Variants in NCBP2 observed in about 807,000 individuals in gnomAD.
NCBP2 encodes the protein nuclear cap binding protein subunit 2.
Under a neutral mutation model 21.5 loss-of-function variants are expected in NCBP2, and 8 were observed. The observed-to-expected ratio is 0.37, with a 90% CI of 0.22 to 0.67. The LOEUF is 0.67. Ranked by LOEUF, NCBP2 falls within the 30% of genes least tolerant of loss-of-function variation. NCBP2 has a pLI of 0.56. For synonymous variants in NCBP2, 92 were observed against 75.8 expected (o/e 1.21, Z -1.11); for missense variants, 127 against 206.9 (o/e 0.61, Z 2.37).
chr3:196,941,832 T>C, intron 1 of NCBP2: 1 of 1,352,136 alleles, frequency 7.4e-7, no homozygotes, highest in Non-Finnish European at 1.0e-6. Flanking sequence ...CTCCGATCTT[T>C]ACATCCGAAC....
intron 1 of NCBP2, chr3:196,941,938 G>C: frequency 6.5e-7 from 1 of 1,536,270 alleles, no homozygotes; most frequent in Non-Finnish European, 8.7e-7. Context: ...CACGCACCGC[G>C]TACAGCTTCC....
intron 2 of NCBP2, 80 bp downstream of exon 2, chr3:196,939,171 C>T (rs774458683): frequency 1.9e-5 from 24 of 1,278,450 alleles, no homozygotes; most frequent in East Asian, 1.4e-4. Flanking sequence ...AACGTAGGGA[C>T]GAGTGCAGGG....
At chr3:196,938,960 G>T (rs1166848556) in intron 2 of NCBP2, 2 of 309,768 alleles carry the variant, frequency 6.5e-6, no homozygotes, top group East Asian at 6.6e-5. Context: ...GGCATTAGGG[G>T]TTTAGAACAG....
chr3:196,941,172 AACCTCC>A (rs963126796), intron 1 of NCBP2: 33 of 152,106 alleles, frequency 2.2e-4, no homozygotes, highest in African/African-American at 7.7e-4. Context: ...ATCTCACAGC[AACCTCC>A]ACCTCCCCGG....
At chr3:196,937,319 G>T in intron 3 of NCBP2, 191 bp downstream of exon 3, 1 of 846,924 alleles carries the variant, frequency 1.2e-6, no homozygotes, top group Middle Eastern at 3.4e-4. Flanking sequence ...TGTTAGAAAC[G>T]TACAGAACAT....
rs547679541 is a variant in NCBP2 at position 196,937,007 on chromosome 3, C to A, written c.*4G>T. The A allele has an allele frequency of 1.9e-6, 3 of 1,614,012 alleles. No homozygotes were observed. The Admixed American group carries it at 5.0e-5, about 27-fold the overall frequency. On this transcript the variant is annotated 3_prime_UTR_variant, in exon 4 of 4. Coordinates refer to ENST00000321256, the MANE Select transcript of NCBP2 (RefSeq NM_007362.5). Reference sequence around the variant, plus strand: ...GTGTTTGTCACTGACAGAGCTCTCACCACTCACTGGTTCTGTGCCAGTTTT... The same window carrying A: ...GTGTTTGTCACTGACAGAGCTCTCAACACTCACTGGTTCTGTGCCAGTTTT...
At position 196,939,313 on chromosome 3, in the gene NCBP2, T is replaced by G; in HGVS notation, c.198A>C (p.Ile66=). ...TATCCAGACCCATAATGATTTTCTT[T>G]ATGTCACCACTTTTGCTGAAGAGTT... ...IYELFSKSGD[I]KKIIMGLDKM... Residue 66 remains isoleucine, a synonymous_variant, in exon 2 of 4, where the codon ATA becomes ATC. Transcript: ENST00000321256. 1 of 1,613,976 alleles carries G rather than the reference T, an allele frequency of 6.2e-7. No individual in the cohort carries two copies. The highest frequency in any genetic ancestry group is 2.2e-5 in the East Asian group (1 of 44,890).
Position 196,935,514 on chromosome 3 carries a change from A to G in NCBP2, c.*1497T>C, listed in dbSNP as rs899126904. The G allele has an allele frequency of 2.0e-5, 3 of 152,228 alleles. No individual in the cohort carries two copies. The highest frequency in any genetic ancestry group is 7.2e-5 in the African/African-American group (3 of 41,474). 9.4% of individuals were successfully genotyped at this position (152,228 alleles called of 1,614,324 possible). ...TTGTTTTACTACAAAAGAATATAAA[A>G]CACATTAAATTACAGTGTGAAGGAA... On this transcript the variant is annotated 3_prime_UTR_variant, in exon 4 of 4. Transcript: ENST00000321256.
chr3:196,939,147 G>C, intron 2 of NCBP2, 104 bp downstream of exon 2: 1 of 937,472 alleles, frequency 1.1e-6, no homozygotes, highest in Non-Finnish European at 1.7e-6. Flanking sequence ...GAAAGTAGGA[G>C]GGAGATGAAG....
chr3:196,939,491 T>A, intron 1 of NCBP2, 59 bp from the exon 2 acceptor site: 1 of 1,234,270 alleles, frequency 8.1e-7, no homozygotes, highest in Non-Finnish European at 1.1e-6. Flanking sequence ...TAAATAGTAT[T>A]TCTAAGTACG....
chr3:196,939,036 T>C (rs1030557712), intron 2 of NCBP2: 13 of 448,152 alleles, frequency 2.9e-5, no homozygotes, highest in African/African-American at 2.4e-4. Flanking sequence ...AGGGCAAACA[T>C]TCTTGAAAAA....
rs1429140333 is a variant in NCBP2, at chr3:196,936,363, A to G, written c.*648T>C. Reference sequence around the variant, plus strand: ...CATGCCTTTAGAGGTTAGAATTCACAGAAAACAAATTCAATTGTCAAACAC... The same window carrying G: ...CATGCCTTTAGAGGTTAGAATTCACGGAAAACAAATTCAATTGTCAAACAC... On this transcript the variant is annotated 3_prime_UTR_variant, in exon 4 of 4. Coordinates refer to ENST00000321256, the MANE Select transcript of NCBP2 (RefSeq NM_007362.5). 1 of 152,822 alleles carries G rather than the reference A, an allele frequency of 6.5e-6. No individual in the cohort carries two copies. Among genetic ancestry groups the G allele is most frequent in the Admixed American group, 6.5e-5 (1 of 15,330 alleles). 9.5% of individuals were successfully genotyped at this position (152,822 alleles called of 1,614,324 possible).
At chr3:196,937,410 C>T in intron 3 of NCBP2, 100 bp downstream of exon 3, 1 of 1,539,848 alleles carries the variant, frequency 6.5e-7, no homozygotes, top group African/African-American at 1.4e-5. Flanking sequence ...GTTATAGACA[C>T]AAAGTTATTT....
chr3:196,939,545 A>T (rs924696807), intron 1 of NCBP2, 113 bp from the exon 2 acceptor site: 2 of 834,652 alleles, frequency 2.4e-6, no homozygotes, highest in East Asian at 5.3e-5. Flanking sequence ...AACTTCTCTC[A>T]TCCCAGCCTA....
chr3:196,937,354 A>C lies in NCBP2; in HGVS notation c.399+156T>G, dbSNP rs74790039. The C allele has an allele frequency of 6.1e-6, 7 of 1,156,284 alleles. No individual in the cohort carries two copies. In the Admixed American group the frequency reaches 1.1e-4, roughly 17 times the overall value. 71.6% of individuals were successfully genotyped at this position (1,156,284 alleles called of 1,614,324 possible). Reference sequence around the variant, plus strand: ...TACCATTTCACGGTTTAAAAAAAAAATTCACCCAAACCGTTGGGTGGTTTT... The same window carrying C: ...TACCATTTCACGGTTTAAAAAAAAACTTCACCCAAACCGTTGGGTGGTTTT... On this transcript the variant is annotated intron_variant, in intron 3 of 3. Coordinates refer to ENST00000321256, the MANE Select transcript of NCBP2 (RefSeq NM_007362.5).
intron 2 of NCBP2, chr3:196,937,951 A>T (rs1716344998): frequency 6.1e-6 from 2 of 327,194 alleles, no homozygotes; most frequent in Admixed American, 8.2e-5. Flanking sequence ...TTATCCAAGA[A>T]ACCAGTGCTG....
rs1304364434 is a variant in NCBP2 at position 196,938,500 on chromosome 3, T to G, written c.260+751A>C. 2.0e-5 allele frequency: 3 copies of G among 152,158 alleles called. No homozygotes were observed. The East Asian group carries it at 5.8e-4, about 29-fold the overall frequency. 9.4% of individuals were successfully genotyped at this position (152,158 alleles called of 1,614,324 possible). A position where few individuals can be genotyped will look rare whatever the true frequency, so the allele number is the denominator to read the frequency against. ...AACATACAGTAAAAAGAACATAGGA[T>G]AAATCCAAGAGGTCCAATACTTAAA... On this transcript the variant is annotated intron_variant, in intron 2 of 3. Coordinates refer to ENST00000321256, the MANE Select transcript of NCBP2 (RefSeq NM_007362.5).
At position 196,937,569 on chromosome 3, in the gene NCBP2, CTG is replaced by C. The variant is rs1429779749; in HGVS notation, c.338_339del (p.Thr113ArgfsTer7). The part of the protein sequence containing the change: ...GTRLDDRIIR[T>X]DWDAGFKEGR... ...CCCTCCTTAAAGCCTGCGTCCCAGTCTGTGCGAATGATTCGGTCATCCAGACG... is the reference window on the plus strand; with the variant it reads ...CCCTCCTTAAAGCCTGCGTCCCAGTCTGCGAATGATTCGGTCATCCAGACG... On this transcript the variant is annotated frameshift_variant, in exon 3 of 4. Coordinates refer to ENST00000321256, the MANE Select transcript of NCBP2 (RefSeq NM_007362.5). LOFTEE classifies it high-confidence loss of function. 6.2e-6 allele frequency: 10 copies of C among 1,614,202 alleles called. No homozygotes were observed. The highest frequency in any genetic ancestry group is 8.5e-6 in the Non-Finnish European group (10 of 1,180,034).
intron 1 of NCBP2, chr3:196,939,828 CAGAG>C (rs370571676): frequency 1.9e-4 from 31 of 163,542 alleles, no homozygotes; most frequent in South Asian, 9.0e-4. Context: ...AGTGGGTTTT[CAGAG>C]AGAGAGAGAG....
Sources: gnomAD v4.1 joint callset for allele counts on GRCh38, gnomAD v4.1.1 for gene constraint, MANE v1.5 for transcripts, NCBI Gene and HGNC (gene_info 2026-07-23, HGNC 2026-07-21) for gene names.